SAMMSON: variants seen among roughly 807,000 people sequenced by gnomAD.
SAMMSON encodes the protein long intergenic non-protein coding RNA 1212.
chr3:70,031,290 AG>A (rs2067065194), intron 3 of SAMMSON, among the ~76,000 whole-genome samples: 1 of 152,202 alleles, frequency 6.6e-6, no homozygotes, highest in African/African-American at 2.4e-5. Flanking sequence ...AGCCAGACAA[AG>A]GACAAATATG....
chr3:70,150,329 C>A (rs1361657948), intron 4 of SAMMSON, among the ~76,000 whole-genome samples: 1 of 152,082 alleles, frequency 6.6e-6, no homozygotes, highest in East Asian at 1.9e-4. Context: ...GTTGCCAGCA[C>A]TTTTTCCATT....
chr3:70,177,667 A>T (rs1701018054), intron 4 of SAMMSON, among the ~76,000 whole-genome samples: 1 of 152,192 alleles, frequency 6.6e-6, no homozygotes, highest in African/African-American at 2.4e-5. Flanking sequence ...CAATATGCTA[A>T]TTGCTTTACA....
intron 6 of SAMMSON, among the ~76,000 whole-genome samples, chr3:70,266,461 C>T (rs1012572778): frequency 2.6e-5 from 4 of 151,978 alleles, no homozygotes; most frequent in Non-Finnish European, 5.9e-5. Context: ...ATTTCTGTCA[C>T]CCAGGCTGGA....
intron 6 of SAMMSON, among the ~76,000 whole-genome samples, chr3:70,263,106 G>C (rs1361138503): frequency 1.3e-5 from 2 of 152,070 alleles, no homozygotes; most frequent in Non-Finnish European, 2.9e-5. Flanking sequence ...ATATAGGACA[G>C]ATTTATAATA....
chr3:70,081,480 A>T (rs888368491), intron 4 of SAMMSON, among the ~76,000 whole-genome samples: 1 of 152,136 alleles, frequency 6.6e-6, no homozygotes, highest in African/African-American at 2.4e-5. Flanking sequence ...TTTCATCCTA[A>T]CAAGACTGTA....
intron 3 of SAMMSON, among the ~76,000 whole-genome samples, chr3:70,026,529 A>G (rs1244808124): frequency 6.6e-6 from 1 of 152,196 alleles, no homozygotes; most frequent in South Asian, 2.1e-4. Flanking sequence ...AATATTGAAG[A>G]CATATCAAGT....
chr3:70,145,763 A>G (rs2067546437), intron 4 of SAMMSON, among the ~76,000 whole-genome samples: 1 of 152,096 alleles, frequency 6.6e-6, no homozygotes, highest in African/African-American at 2.4e-5. Flanking sequence ...ATCTCAAAGA[A>G]TTAATCTTAC....
chr3:70,123,427 C>T (rs945797024), intron 4 of SAMMSON, among the ~76,000 whole-genome samples: 4 of 152,186 alleles, frequency 2.6e-5, no homozygotes, highest in African/African-American at 7.2e-5. Flanking sequence ...CCTGCCACCA[C>T]GCCTAGCTAA....
At chr3:70,113,373 G>T (rs2067397512) in intron 4 of SAMMSON, among the ~76,000 whole-genome samples, 1 of 152,212 alleles carries the variant, frequency 6.6e-6, no homozygotes, top group African/African-American at 2.4e-5. Context: ...AATGGGCTGG[G>T]TCATATTCAT....
chr3:70,069,280 T>G (rs779157117), intron 3 of SAMMSON: 7 of 152,158 alleles, frequency 4.6e-5, no homozygotes, highest in Non-Finnish European at 1.0e-4. Context: ...TATTTCACTT[T>G]TCAATCAGTA....
chr3:70,052,883 C>T (rs1257965642), intron 3 of SAMMSON, among the ~76,000 whole-genome samples: 3 of 152,076 alleles, frequency 2.0e-5, no homozygotes, highest in African/African-American at 4.8e-5. Context: ...AACGTTAATG[C>T]GTATTATTTC....
intron 7 of SAMMSON, among the ~76,000 whole-genome samples, chr3:70,330,733 A>C (rs1702616449): frequency 6.6e-6 from 1 of 152,136 alleles, no homozygotes; most frequent in South Asian, 2.1e-4. Context: ...TACAAAAATA[A>C]TAGTAAATTA....
In SAMMSON at chr3:70,224,135, G is replaced by A. The variant is rs138462238; in HGVS notation, n.508-24972G>A. 9.4e-3 allele frequency among the ~76,000 whole-genome samples: 1,430 copies of A among 152,106 alleles called. 20 individuals carry two copies. Among genetic ancestry groups the A allele is most frequent in the African/African-American group, 0.033 (1,349 of 41,494 alleles). Reference sequence around the variant, plus strand: ...GTATCTTTATCACTAACAAGCAGAGGGAAAATAATTGAATGTGGATGAAAC... The same window carrying A: ...GTATCTTTATCACTAACAAGCAGAGAGAAAATAATTGAATGTGGATGAAAC... On this transcript the variant is annotated intron_variant and non_coding_transcript_variant, in intron 4 of 9. Transcript: ENST00000642114.
chr3:70,232,789 A>C (rs1345734262), intron 4 of SAMMSON, among the ~76,000 whole-genome samples: 1 of 152,152 alleles, frequency 6.6e-6, no homozygotes, highest in Non-Finnish European at 1.5e-5. Context: ...CTGACTTCTT[A>C]CTGGGTTGGA....
At position 70,320,996 on chromosome 3, in the gene SAMMSON, T is replaced by A. The variant is rs887823352; in HGVS notation, n.739+29753T>A. The stretch of plus-strand genomic sequence containing the variant: ...AACAAGTTAATGAAAGTAAAGAGCT[T>A]GGAAAAAAACCTGGGCAAGTCAGAA... On this transcript the variant is annotated intron_variant and non_coding_transcript_variant, in intron 7 of 9. Coordinates refer to ENST00000642114, the Ensembl canonical transcript of SAMMSON. 6.6e-5 allele frequency among the ~76,000 whole-genome samples: 10 copies of A among 152,054 alleles called. No homozygotes were observed. In the East Asian group the frequency reaches 1.4e-3, roughly 21 times the overall value.
intron 4 of SAMMSON, among the ~76,000 whole-genome samples, chr3:70,187,898 G>A (rs1346923213): frequency 6.6e-6 from 1 of 152,072 alleles, no homozygotes; most frequent in Non-Finnish European, 1.5e-5. Context: ...TCCTGGGTAG[G>A]AGTCCATGCG....
intron 9 of SAMMSON, among the ~76,000 whole-genome samples, chr3:70,363,979 TA>T (rs1329259868): frequency 1.3e-5 from 2 of 151,936 alleles, no homozygotes; most frequent in Non-Finnish European, 2.9e-5. Flanking sequence ...TATGGACTCT[TA>T]AAAAATGTAT....
chr3:70,176,458 T>TGAC, intron 4 of SAMMSON, among the ~76,000 whole-genome samples: 1 of 152,180 alleles, frequency 6.6e-6, no homozygotes, highest in Non-Finnish European at 1.5e-5. Flanking sequence ...ATCAATGTCT[T>TGAC]GACCTGACGT....
intron 4 of SAMMSON, among the ~76,000 whole-genome samples, chr3:70,202,898 C>T (rs941818811): frequency 6.6e-6 from 1 of 152,032 alleles, no homozygotes; most frequent in Non-Finnish European, 1.5e-5. Flanking sequence ...GAAAAGGTGG[C>T]AATCCAAGGA....
Sources: allele counts gnomAD v4.1 joint callset (sites outside exome capture counted in the v4.1 genomes callset), GRCh38; gene constraint gnomAD v4.1.1; transcripts MANE v1.5; gene names NCBI Gene and HGNC (gene_info 2026-07-23, HGNC 2026-07-21).